TMTC1: variants seen among roughly 807,000 people sequenced by gnomAD.
The protein encoded by TMTC1 is protein O-mannosyl-transferase TMTC1.
In TMTC1, 73 loss-of-function variants were observed where a neutral mutation model predicts 104.8. That is an observed-to-expected ratio of 0.70 (90% CI 0.58 to 0.85). The LOEUF (loss-of-function observed/expected upper bound fraction) is 0.85. Among genes scored for constraint, TMTC1 ranks in the 40% least tolerant of loss-of-function variants. The pLI is 0.00. For missense variants in TMTC1, 1,035 were observed against 1,096.1 expected, an observed-to-expected ratio of 0.94 and a Z score of 0.79; for synonymous variants, 434 against 428.7, an observed-to-expected ratio of 1.01 and a Z score of -0.15.
At chr12:29,678,497 T>C (rs370422120) in intron 5 of TMTC1, among the ~76,000 whole-genome samples, 4 of 152,312 alleles carry the variant, frequency 2.6e-5, no homozygotes, top group African/African-American at 9.6e-5. Flanking sequence ...CTCCAGCCAT[T>C]GTTTGAAGAT....
chr12:29,633,274 A>T lies in TMTC1; in HGVS notation c.1001T>A (p.Leu334Gln). 1 of 1,614,006 alleles carries T rather than the reference A, an allele frequency of 6.2e-7. No homozygotes were observed. Residue 334 changes from leucine to glutamine, a missense_variant, in exon 6 of 18, where the codon CTG (leucine) becomes CAG (glutamine). Transcript: ENST00000539277. ...NVWLLLAPVTLCYDWQVGSIP... is the reference protein window; with the variant it reads ...NVWLLLAPVTQCYDWQVGSIP... ...ACTGCCGACCTGCCAGTCATAGCAC[A>T]GGGTCACGGGTGCAAGCAGAAGCCA...
At chr12:29,713,338 C>G (rs1326105996) in intron 5 of TMTC1, among the ~76,000 whole-genome samples, 1 of 131,254 alleles carries the variant, frequency 7.6e-6, no homozygotes, top group African/African-American at 2.6e-5. Context: ...CACACACACA[C>G]ACAGGGAGAG....
chr12:29,681,497 C>T (rs1026689633), intron 5 of TMTC1, among the ~76,000 whole-genome samples: 1 of 152,178 alleles, frequency 6.6e-6, no homozygotes, highest in South Asian at 2.1e-4. Flanking sequence ...AAGTACACAG[C>T]ACCATCTATG....
chr12:29,689,004 T>C (rs1241687046), intron 5 of TMTC1, among the ~76,000 whole-genome samples: 5 of 152,134 alleles, frequency 3.3e-5, no homozygotes, highest in South Asian at 4.1e-4. Flanking sequence ...GAACCCTATT[T>C]GCAGCCCTCA....
chr12:29,689,534 C>T (rs1488887167), intron 5 of TMTC1, among the ~76,000 whole-genome samples: 2 of 151,888 alleles, frequency 1.3e-5, no homozygotes, highest in African/African-American at 2.4e-5. Context: ...AGGCTGGTCT[C>T]GAACTCCCGA....
intron 11 of TMTC1, 145 bp downstream of exon 11, chr12:29,536,064 G>A: frequency 1.6e-6 from 1 of 635,514 alleles, no homozygotes. Context: ...AATTAGGCTT[G>A]TAATTTCTGT....
At chr12:29,737,641 C>T (rs1565804490) in intron 5 of TMTC1, among the ~76,000 whole-genome samples, 1 of 152,168 alleles carries the variant, frequency 6.6e-6, no homozygotes. Context: ...GAAGTTGCTC[C>T]TAAATGTCTC....
At chr12:29,726,553 C>T (rs903045975) in intron 5 of TMTC1, among the ~76,000 whole-genome samples, 2 of 152,196 alleles carry the variant, frequency 1.3e-5, no homozygotes, top group African/African-American at 2.4e-5. Context: ...AGGTACAGAC[C>T]GACTGCCTTT....
intron 5 of TMTC1, among the ~76,000 whole-genome samples, chr12:29,656,771 T>C (rs764899135): frequency 5.3e-5 from 8 of 152,128 alleles, no homozygotes; most frequent in Non-Finnish European, 7.3e-5. Context: ...GAAAAGTATA[T>C]ATATATGCCT....
At chr12:29,622,674 G>A (rs1412646955) in intron 6 of TMTC1, among the ~76,000 whole-genome samples, 1 of 152,160 alleles carries the variant, frequency 6.6e-6, no homozygotes, top group Non-Finnish European at 1.5e-5. Context: ...GAGCACATTA[G>A]TTCACTTTAA....
chr12:29,617,569 A>AGAGAGAGAGAGAG (rs1947020574), intron 6 of TMTC1, among the ~76,000 whole-genome samples: 1 of 147,810 alleles, frequency 6.8e-6, no homozygotes, highest in African/African-American at 2.7e-5. Context: ...AGAGAGAGAG[A>AGAGAGAGAGAGAG]TAAAAACCCT....
chr12:29,687,897 G>T (rs1941145461), intron 5 of TMTC1, among the ~76,000 whole-genome samples: 1 of 152,068 alleles, frequency 6.6e-6, no homozygotes, highest in Admixed American at 6.6e-5. Context: ...TTGGATTAGG[G>T]CCCCACCCTT....
intron 15 of TMTC1, among the ~76,000 whole-genome samples, chr12:29,515,129 AT>A (rs1366834033): frequency 2.0e-5 from 3 of 152,180 alleles, no homozygotes; most frequent in African/African-American, 7.2e-5. Context: ...GCAATAAAAT[AT>A]CCTTGATTAC....
At chr12:29,526,746 T>C (rs1371700268) in intron 11 of TMTC1, among the ~76,000 whole-genome samples, 1 of 152,140 alleles carries the variant, frequency 6.6e-6, no homozygotes, top group African/African-American at 2.4e-5. Flanking sequence ...CAATTAACTA[T>C]GGAAAAGTTA....
intron 6 of TMTC1, among the ~76,000 whole-genome samples, chr12:29,623,810 C>T (rs1937810840): frequency 9.4e-6 from 1 of 106,870 alleles, no homozygotes; most frequent in Non-Finnish European, 1.8e-5. Context: ...AAGACTCCGG[C>T]TCAAAAATAA....
rs1491537888 is a variant in TMTC1 at position 29,572,290 on chromosome 12, TCA to T, written c.1419-74_1419-73del. On this transcript the variant is annotated intron_variant, in intron 8 of 17. Transcript: ENST00000539277. ...ATTGTCAGATTCCTTTATGTTTTAC[TCA>T]GTTTCATGAACCTGTATTTGAAATG... 5.2e-5 allele frequency: 66 copies of T among 1,273,534 alleles called. No individual in the cohort carries two copies. In the Admixed American group the frequency reaches 7.5e-4, roughly 14 times the overall value. 78.9% of individuals were successfully genotyped at this position (1,273,534 alleles called of 1,614,324 possible).
intron 5 of TMTC1, among the ~76,000 whole-genome samples, chr12:29,636,572 C>G (rs1255311943): frequency 6.6e-6 from 1 of 152,132 alleles, no homozygotes; most frequent in African/African-American, 2.4e-5. Flanking sequence ...GTAATCCCAG[C>G]ACTTTGGGAG....
chr12:29,523,614 T>C (rs2136167180), intron 11 of TMTC1, among the ~76,000 whole-genome samples: 1 of 152,300 alleles, frequency 6.6e-6, no homozygotes, highest in East Asian at 1.9e-4. Flanking sequence ...ACTGTAGGCA[T>C]TGATTTCACT....
chr12:29,711,962 G>A (rs988441490), intron 5 of TMTC1, among the ~76,000 whole-genome samples: 8 of 127,878 alleles, frequency 6.3e-5, no homozygotes, highest in Non-Finnish European at 9.3e-5. Context: ...AGCCCAGATC[G>A]TGCCACTGCA....
Sources: gnomAD v4.1 joint callset for allele counts (sites outside exome capture counted in the v4.1 genomes callset) on GRCh38, gnomAD v4.1.1 for gene constraint, MANE v1.5 for transcripts, NCBI Gene and HGNC (gene_info 2026-07-23, HGNC 2026-07-21) for gene names.